The following EPB41L1 variants were observed in gnomAD, a reference collection of about 807,000 sequenced individuals.
EPB41L1 encodes erythrocyte membrane protein band 4.1 like 1.
A neutral mutation model predicts 97.8 loss-of-function variants in EPB41L1; 29 were observed. The observed-to-expected ratio is 0.30, with a 90% CI of 0.22 to 0.40. EPB41L1 has a LOEUF of 0.40. EPB41L1 is among the 10% of genes least tolerant of loss of function. EPB41L1 has a pLI of 1.00. For missense variants in EPB41L1, 812 were observed against 1,162.3 expected, an observed-to-expected ratio of 0.70 and a Z score of 4.38; for synonymous variants, 383 against 459.2, an observed-to-expected ratio of 0.83 and a Z score of 2.12.
chr20:36,115,246 C>T (rs1328650157), intron 2 of EPB41L1, among the ~76,000 whole-genome samples: 1 of 152,178 alleles, frequency 6.6e-6, no homozygotes, highest in Non-Finnish European at 1.5e-5. Flanking sequence ...GTTTCAAGCC[C>T]AAGGTGTCTG....
Position 36,229,391 on chromosome 20 carries a change from A to G in EPB41L1, c.*51A>G. ...CTGGTCCAACCCAAGCCAGAGAACC[A>G]TTAAGAAGGGGCCTTCATTCTGGAT... On this transcript the variant is annotated 3_prime_UTR_variant, in exon 22 of 22. Coordinates refer to ENST00000338074, the MANE Select transcript of EPB41L1 (RefSeq NM_012156.2). The G allele has an allele frequency of 6.3e-7, 1 of 1,597,552 alleles. No individual in the cohort carries two copies. The highest frequency in any genetic ancestry group is 8.6e-7 in the Non-Finnish European group (1 of 1,167,122).
chr20:36,143,828 G>GTTT (rs928495213), intron 2 of EPB41L1, among the ~76,000 whole-genome samples: 1 of 151,322 alleles, frequency 6.6e-6, no homozygotes, highest in Non-Finnish European at 1.5e-5. Context: ...CCGATAAAAG[G>GTTT]TTTTCTTTTT....
chr20:36,127,311 T>C (rs1289866650), intron 2 of EPB41L1, among the ~76,000 whole-genome samples: 1 of 152,166 alleles, frequency 6.6e-6, no homozygotes, highest in East Asian at 1.9e-4. Flanking sequence ...TTTGTCTGAG[T>C]TGCCAGGGGA....
intron 14 of EPB41L1, among the ~76,000 whole-genome samples, chr20:36,202,528 T>C (rs2146633799): frequency 6.6e-6 from 1 of 151,894 alleles, no homozygotes; most frequent in East Asian, 1.9e-4. Flanking sequence ...GCATGGTGGC[T>C]CACGCCTGTA....
Position 36,207,713 on chromosome 20 carries a change from CG to C in EPB41L1, c.1669-1773del. 7.8e-7 allele frequency: 1 copy of C among 1,290,034 alleles called. No homozygotes were observed. Among genetic ancestry groups the C allele is most frequent in the Non-Finnish European group, 1.0e-6 (1 of 988,896 alleles). 79.9% of individuals were successfully genotyped at this position (1,290,034 alleles called of 1,614,324 possible). ...TCTGCATCCTACCAGGAAGCACACA[CG>C]GAACTAGAGCCCGTGTCCCCCAATT... On this transcript the variant is annotated intron_variant, in intron 14 of 21. Coordinates refer to ENST00000338074, the MANE Select transcript of EPB41L1 (RefSeq NM_012156.2). The surrounding 1 kb of genome is among the most constrained non-coding windows in gnomAD (Gnocchi z 4.9).
rs184247981 is a variant in EPB41L1, at chr20:36,225,582, G to A, written c.2637+3188G>A. On this transcript the variant is annotated intron_variant, in intron 21 of 21. Transcript: ENST00000338074. The stretch of plus-strand genomic sequence containing the variant: ...CTGTTCCACTGACTGGTGTGTGACC[G>A]TAGGTCCGTTTCTTCCCGCTTGAGG... 6.6e-5 allele frequency among the ~76,000 whole-genome samples: 10 copies of A among 152,304 alleles called. No homozygotes were observed. In the East Asian group the frequency reaches 9.7e-4, roughly 15 times the overall value.
At chr20:36,227,525 GA>G (rs1324569135) in intron 21 of EPB41L1, among the ~76,000 whole-genome samples, 1 of 152,200 alleles carries the variant, frequency 6.6e-6, no homozygotes, top group Non-Finnish European at 1.5e-5. Context: ...CTTGCCTACA[GA>G]AGGGGCTCAG....
intron 11 of EPB41L1, among the ~76,000 whole-genome samples, chr20:36,191,100 A>G (rs2061928220): frequency 6.6e-6 from 1 of 151,670 alleles, no homozygotes; most frequent in Non-Finnish European, 1.5e-5. Flanking sequence ...CTACCCAAGA[A>G]GCTTAGCAAT....
rs372723927 is a variant in EPB41L1, at chr20:36,209,531, C to G, written c.1712C>G (p.Pro571Arg). The stretch of plus-strand genomic sequence containing the variant: ...GGCTCCGAGGAGAAAGTCAAACCAC[C>G]ACGTCCCCGGGCCCCAGAGAGTGAC... ...REGSEEKVKP[P>R]RPRAPESDTG... The change falls in exon 15 of 22, where the codon CCA becomes CGA. Residue 571 changes from proline (P) to arginine (R), a missense_variant. Physicochemically the swap from Pro to Arg is moderately radical, Grantham distance 103. This residue lies in a region of EPB41L1 where 498 missense variants were observed against 622.7 expected (regional missense o/e 0.80). Transcript: ENST00000338074. This position sits in a 1 kb window ranked among gnomAD's most constrained non-coding sequence, Gnocchi z 4.2. The G allele has an allele frequency of 6.2e-7, 1 of 1,613,996 alleles. No homozygotes were observed. Among genetic ancestry groups the G allele is most frequent in the South Asian group, 1.1e-5 (1 of 91,072 alleles).
intron 2 of EPB41L1, among the ~76,000 whole-genome samples, chr20:36,130,787 T>TTCTCTCTCTCTC (rs35428172): frequency 7.0e-6 from 1 of 143,666 alleles, no homozygotes; most frequent in South Asian, 2.3e-4. Context: ...TTTTAAAAAT[T>TTCTCTCTCTCTC]TCTCTCTCTC....
At chr20:36,112,794 G>A (rs1235895117) in intron 2 of EPB41L1, among the ~76,000 whole-genome samples, 1 of 152,198 alleles carries the variant, frequency 6.6e-6, no homozygotes, top group African/African-American at 2.4e-5. Flanking sequence ...AAGCTGCCCC[G>A]TGGCCCTTGC....
intron 17 of EPB41L1, 138 bp from the exon 18 acceptor site, chr20:36,218,738 G>C (rs2063589226): frequency 1.3e-6 from 1 of 797,788 alleles, no homozygotes; most frequent in Admixed American, 2.0e-5. Flanking sequence ...AGGCGGAACT[G>C]AACGATGCCT....
intron 2 of EPB41L1, chr20:36,125,662 G>A: frequency 2.9e-6 from 4 of 1,376,844 alleles, no homozygotes; most frequent in South Asian, 1.4e-5. Flanking sequence ...GGCAAGTGGA[G>A]TGGCAGGTGG....
At chr20:36,127,786 C>T (rs549673956) in intron 2 of EPB41L1, among the ~76,000 whole-genome samples, 3 of 152,158 alleles carry the variant, frequency 2.0e-5, no homozygotes. Flanking sequence ...CTCCTCGTGC[C>T]TCTTGTGTGC....
rs1473567921 is a variant in EPB41L1 at position 36,220,090 on chromosome 20, A to T, written c.2439+246A>T. Among the ~76,000 whole-genome samples, 3 of 152,386 alleles carry T rather than the reference A, an allele frequency of 2.0e-5. No homozygotes were observed. The East Asian group carries it at 5.8e-4, about 29-fold the overall frequency. On this transcript the variant is annotated intron_variant, in intron 19 of 21. Transcript: ENST00000338074. ...CTCCTCTTTGAAGTAACTGTGAACC[A>T]TGGCGTGTGCGCCTTGTAGATGGAA...
At chr20:36,100,741 C>T (rs1285330727) in intron 1 of EPB41L1, among the ~76,000 whole-genome samples, 1 of 152,196 alleles carries the variant, frequency 6.6e-6, no homozygotes, top group African/African-American at 2.4e-5. Context: ...CCTGCGGGAG[C>T]ATTTAGGTGT....
At chr20:36,157,509 A>G (rs1426531096) in intron 1 of EPB41L1, among the ~76,000 whole-genome samples, 1 of 152,158 alleles carries the variant, frequency 6.6e-6, no homozygotes, top group Non-Finnish European at 1.5e-5. Context: ...CATGACATTT[A>G]CTGGGGGCAA....
In EPB41L1 at chr20:36,206,236, A is replaced by G. The variant is rs1286399569; in HGVS notation, c.1669-3252A>G. The stretch of plus-strand genomic sequence containing the variant: ...AGACACCAGAGAGGCAACCATCAGG[A>G]ACCGCTGCATGTCAGATGGTCAGCC... On this transcript the variant is annotated intron_variant, in intron 14 of 21. Transcript: ENST00000338074. This position sits in a 1 kb window ranked among gnomAD's most constrained non-coding sequence, Gnocchi z 5.5. 2 of 1,289,886 alleles carry G rather than the reference A, an allele frequency of 1.6e-6. No homozygotes were observed. The highest frequency in any genetic ancestry group is 2.5e-5 in the South Asian group (2 of 81,032). 79.9% of individuals were successfully genotyped at this position (1,289,886 alleles called of 1,614,324 possible).
intron 2 of EPB41L1, among the ~76,000 whole-genome samples, chr20:36,140,284 T>C (rs949291114): frequency 4.6e-5 from 7 of 150,682 alleles, no homozygotes; most frequent in Non-Finnish European, 1.0e-4. Context: ...TTGGCCGTGC[T>C]GGTCTTGAAC....
Sources: allele counts gnomAD v4.1 joint callset (sites outside exome capture counted in the v4.1 genomes callset), GRCh38; gene constraint gnomAD v4.1.1; regional missense constraint gnomAD v4.1.1; non-coding constraint Gnocchi (gnomAD v3.1); transcripts MANE v1.5; gene names NCBI Gene and HGNC (gene_info 2026-07-23, HGNC 2026-07-21).